Variants in NCKAP5 observed in about 807,000 individuals in gnomAD.
NCKAP5 encodes NCK associated protein 5.
In NCKAP5, 92 loss-of-function variants were observed where a neutral mutation model predicts 167.0. The ratio of observed to expected loss-of-function variants is 0.55; its 90% confidence interval spans 0.47 to 0.66. The LOEUF (loss-of-function observed/expected upper bound fraction) is 0.66. Ranked by LOEUF, NCKAP5 falls within the 30% of genes least tolerant of loss-of-function variation. NCKAP5 has a pLI of 0.00. For missense variants in NCKAP5, 2,378 were observed against 2,315.0 expected (o/e 1.03, Z -0.56); for synonymous variants, 891 against 877.4 (o/e 1.02, Z -0.27).
At chr2:133,288,070 G>C (rs946837542) in intron 4 of NCKAP5, among the ~76,000 whole-genome samples, 1 of 152,184 alleles carries the variant, frequency 6.6e-6, no homozygotes, top group African/African-American at 2.4e-5. Flanking sequence ...GGAGCTAAGA[G>C]AGTGATGCTA....
chr2:133,194,197 T>C (rs1379709212), intron 5 of NCKAP5, among the ~76,000 whole-genome samples: 1 of 152,088 alleles, frequency 6.6e-6, no homozygotes, highest in Non-Finnish European at 1.5e-5. Context: ...TAGCTCTCTT[T>C]GAAAAGGGTT....
At chr2:133,138,507 A>C (rs1302251709) in intron 5 of NCKAP5, among the ~76,000 whole-genome samples, 1 of 152,212 alleles carries the variant, frequency 6.6e-6, no homozygotes, top group Non-Finnish European at 1.5e-5. Context: ...TCAACTTCTC[A>C]CATTTTTCAT....
chr2:132,774,463 A>G (rs923240594), intron 15 of NCKAP5, among the ~76,000 whole-genome samples: 2 of 150,638 alleles, frequency 1.3e-5, no homozygotes, highest in East Asian at 4.0e-4. Context: ...CAGAGCAGTG[A>G]GTCATTTATC....
intron 7 of NCKAP5, among the ~76,000 whole-genome samples, chr2:132,991,790 C>T (rs1020599480): frequency 6.6e-6 from 1 of 152,174 alleles, no homozygotes; most frequent in African/African-American, 2.4e-5. Context: ...GTGCTAATGA[C>T]ACCCCATATT....
At chr2:133,161,241 C>T (rs1574229915) in intron 5 of NCKAP5, among the ~76,000 whole-genome samples, 1 of 152,068 alleles carries the variant, frequency 6.6e-6, no homozygotes, top group East Asian at 1.9e-4. Context: ...TTCCACGAAA[C>T]TGGTCCCCGG....
intron 6 of NCKAP5, among the ~76,000 whole-genome samples, chr2:133,075,627 G>C (rs557410465): frequency 8.7e-4 from 133 of 152,108 alleles, no homozygotes; most frequent in African/African-American, 2.7e-3. Flanking sequence ...CACTTAAAGA[G>C]GTAAAATATC....
chr2:133,341,371 G>C lies in NCKAP5; in HGVS notation c.70-38261C>G, dbSNP rs79282602. On this transcript the variant is annotated intron_variant, in intron 3 of 19. Transcript: ENST00000409261. ...AACTCCTTCAGGCAATGTTTCTAAGGGGGATAAGGTGGAGTGGGCTCTCTT... is the reference window on the plus strand; with the variant it reads ...AACTCCTTCAGGCAATGTTTCTAAGCGGGATAAGGTGGAGTGGGCTCTCTT... 2.7e-3 allele frequency among the ~76,000 whole-genome samples: 409 copies of C among 151,954 alleles called. 2 individuals carry two copies. Among genetic ancestry groups the C allele is most frequent in the South Asian group, 4.4e-3 (21 of 4,810 alleles).
At chr2:133,632,962 T>A in the NCKAP5 span, among the ~76,000 whole-genome samples, 1 of 152,218 alleles carries the variant, frequency 6.6e-6, no homozygotes, top group Non-Finnish European at 1.5e-5. Flanking sequence ...CCAGCTTGCA[T>A]CTGGACACAC....
chr2:132,790,957 C>T (rs1272085458), intron 12 of NCKAP5, among the ~76,000 whole-genome samples: 3 of 152,138 alleles, frequency 2.0e-5, no homozygotes, highest in Non-Finnish European at 4.4e-5. Context: ...GACTCGAATG[C>T]TACAAAAGGA....
intron 8 of NCKAP5, among the ~76,000 whole-genome samples, chr2:132,895,127 G>A (rs113383818): frequency 7.2e-5 from 11 of 151,902 alleles, no homozygotes; most frequent in South Asian, 6.2e-4. Context: ...GTCAGGAGAT[G>A]GAGACCTTCC....
chr2:132,809,423 G>C lies in NCKAP5; in HGVS notation c.808-12694C>G, dbSNP rs555676012. On this transcript the variant is annotated intron_variant, in intron 11 of 19. Transcript: ENST00000409261. ...TCCATCTCATTTCTTAGGTCTATTA[G>C]TAATTGTTTTATGAATTTGGGAGTT... Among the ~76,000 whole-genome samples, 631 of 152,202 alleles carry C rather than the reference G, an allele frequency of 4.1e-3. 2 individuals carry two copies. The highest frequency in any genetic ancestry group is 0.014 in the Middle Eastern group (4 of 294).
intron 7 of NCKAP5, among the ~76,000 whole-genome samples, chr2:132,965,904 T>TTGTGTGTGTGTGTGTG (rs60589235): frequency 8.9e-4 from 125 of 140,956 alleles, no homozygotes; most frequent in African/African-American, 3.0e-3. Context: ...ACATGACTCT[T>TTGTGTGTGTGTGTGTG]TGTGTGTGTG....
chr2:132,832,400 G>C (rs1217856214), intron 11 of NCKAP5, among the ~76,000 whole-genome samples: 4 of 151,918 alleles, frequency 2.6e-5, no homozygotes, highest in Non-Finnish European at 5.9e-5. Context: ...GTATATATGG[G>C]GTACAAGTGC....
intron 16 of NCKAP5, among the ~76,000 whole-genome samples, chr2:132,740,025 A>G (rs1232954267): frequency 6.6e-6 from 1 of 152,146 alleles, no homozygotes; most frequent in African/African-American, 2.4e-5. Flanking sequence ...AAAAGCTTAT[A>G]CTTCCTTCTG....
chr2:132,915,874 G>A (rs1694834464), intron 8 of NCKAP5, among the ~76,000 whole-genome samples: 1 of 151,966 alleles, frequency 6.6e-6, no homozygotes, highest in Non-Finnish European at 1.5e-5. Flanking sequence ...ATGGCTTAGG[G>A]AGACTTGGGG....
intron 3 of NCKAP5, among the ~76,000 whole-genome samples, chr2:133,342,008 G>A (rs1440109690): frequency 2.0e-5 from 3 of 152,078 alleles, no homozygotes; most frequent in Admixed American, 6.5e-5. Context: ...GTGCGATCTC[G>A]ACTTACTGCA....
intron 10 of NCKAP5, among the ~76,000 whole-genome samples, chr2:132,863,390 G>A (rs1250316197): frequency 6.7e-6 from 1 of 148,424 alleles, no homozygotes; most frequent in Non-Finnish European, 1.5e-5. Flanking sequence ...GAAAGCAATA[G>A]TAACCACGAT....
chr2:133,652,010 G>T, the NCKAP5 span, among the ~76,000 whole-genome samples: 1 of 152,186 alleles, frequency 6.6e-6, no homozygotes, highest in Non-Finnish European at 1.5e-5. Context: ...TCAGGAGAAT[G>T]AGAAATCTGA....
In NCKAP5 at chr2:132,725,391, C is replaced by T. The variant is rs1263724719; in HGVS notation, c.5713+236G>A. 3.9e-5 allele frequency among the ~76,000 whole-genome samples: 6 copies of T among 152,190 alleles called. 1 individual carries two copies. Among genetic ancestry groups the T allele is most frequent in the Admixed American group, 3.9e-4 (6 of 15,278 alleles). The stretch of plus-strand genomic sequence containing the variant: ...TCAATTGGAGGCTGTTTTAGACATG[C>T]TGGATTCAGAAATAAAATCCTTACA... On this transcript the variant is annotated intron_variant, in intron 19 of 19. Transcript: ENST00000409261.
Sources: allele counts gnomAD v4.1 joint callset (sites outside exome capture counted in the v4.1 genomes callset), GRCh38; gene constraint gnomAD v4.1.1; transcripts MANE v1.5; gene names NCBI Gene and HGNC (gene_info 2026-07-23, HGNC 2026-07-21).